Variants in XRN1 observed in about 807,000 individuals in gnomAD.
XRN1 encodes the protein strand-exchange protein 1 homolog.
XRN1 carries 67 observed loss-of-function variants against 222.3 expected under a neutral mutation model. The observed-to-expected ratio is 0.30, with a 90% CI of 0.25 to 0.37. The LOEUF (loss-of-function observed/expected upper bound fraction) is 0.37. XRN1 is among the 10% of genes least tolerant of loss of function. XRN1 has a pLI of 1.00. For synonymous variants in XRN1, 643 were observed against 652.4 expected (o/e 0.99, Z 0.22); for missense variants, 1,707 against 2,000.2 (o/e 0.85, Z 2.80).
rs375500552 is a variant in XRN1 at position 142,408,864 on chromosome 3, T to C, written c.1713+3680A>G. Among the ~76,000 whole-genome samples, 18 of 152,336 alleles carry C rather than the reference T, an allele frequency of 1.2e-4. No homozygotes were observed. In the East Asian group the frequency reaches 1.9e-3, roughly 16 times the overall value. On this transcript the variant is annotated intron_variant, in intron 15 of 40. Transcript: ENST00000392981. The stretch of plus-strand genomic sequence containing the variant: ...CCACATTCTTGCCAATATTGGGTAT[T>C]GCCTTTTAAGTTTTTTCCATTCAAC...
chr3:142,318,924 T>C (rs2065277162), intron 37 of XRN1, 21 bp from the exon 38 acceptor site: 1 of 1,585,768 alleles, frequency 6.3e-7, no homozygotes, highest in African/African-American at 1.3e-5. Flanking sequence ...AGAATATATA[T>C]GTCTATGAAA....
At chr3:142,365,642 T>C (rs2066790849) in intron 27 of XRN1, among the ~76,000 whole-genome samples, 1 of 152,160 alleles carries the variant, frequency 6.6e-6, no homozygotes, top group Non-Finnish European at 1.5e-5. Flanking sequence ...TATAGGCCAA[T>C]GAACTTTTAT....
At chr3:142,437,888 T>G (rs1363540565) in intron 1 of XRN1, among the ~76,000 whole-genome samples, 1 of 152,144 alleles carries the variant, frequency 6.6e-6, no homozygotes, top group African/African-American at 2.4e-5. Flanking sequence ...GCAAAAGATC[T>G]GAACAGACAT....
At chr3:142,325,055 T>C (rs908907949) in intron 37 of XRN1, among the ~76,000 whole-genome samples, 5 of 152,216 alleles carry the variant, frequency 3.3e-5, no homozygotes, top group Admixed American at 3.3e-4. Context: ...CATATACTGA[T>C]ATTTTTTCTT....
At chr3:142,384,714 C>A (rs1577337722) in intron 20 of XRN1, 29 bp from the exon 21 acceptor site, 1 of 1,493,636 alleles carries the variant, frequency 6.7e-7, no homozygotes, top group Non-Finnish European at 9.1e-7. Flanking sequence ...ATGAAATATA[C>A]ATATGAATGA....
chr3:142,341,669 C>G (rs533224965), intron 33 of XRN1, among the ~76,000 whole-genome samples: 66 of 152,024 alleles, frequency 4.3e-4, no homozygotes, highest in Admixed American at 4.2e-3. Context: ...GATCTGTTGC[C>G]TAACAGAAAC....
rs139998694 is a variant in XRN1, at chr3:142,337,157, A to T, written c.3878-1648T>A. 9.4e-3 allele frequency among the ~76,000 whole-genome samples: 1,428 copies of T among 152,284 alleles called. 14 individuals carry two copies. Among genetic ancestry groups the T allele is most frequent in the Admixed American group, 0.014 (214 of 15,292 alleles). ...TATTTCCTCTACTGGAAAGTTCTTC[A>T]GCCAGCTTTGCATAGTTCATGCCTT... On this transcript the variant is annotated intron_variant, in intron 33 of 40. Transcript: ENST00000392981.
chr3:142,318,112 C>T (rs1182513128), intron 39 of XRN1, among the ~76,000 whole-genome samples: 1 of 151,948 alleles, frequency 6.6e-6, no homozygotes, highest in Non-Finnish European at 1.5e-5. Flanking sequence ...AAGGGATTTT[C>T]TAAACTTAAA....
At position 142,447,472 on chromosome 3, in the gene XRN1, GC is replaced by G; in HGVS notation, c.75+397del. 6.6e-6 allele frequency among the ~76,000 whole-genome samples: 1 copy of G among 152,296 alleles called. No homozygotes were observed. The highest frequency in any genetic ancestry group is 1.9e-4 in the East Asian group (1 of 5,180). On this transcript the variant is annotated intron_variant, in intron 1 of 40. Transcript: ENST00000392981. The surrounding 1 kb of genome is among the most constrained non-coding windows in gnomAD (Gnocchi z 4.2). Reference sequence around the variant, plus strand: ...GTTATCGTCTGTAAGTGGGTCTGCCGCTCTGGGTGGGATGGGGGAACCTACG... The same window carrying G: ...GTTATCGTCTGTAAGTGGGTCTGCCGTCTGGGTGGGATGGGGGAACCTACG...
Position 142,308,504 on chromosome 3 carries a change from T to G in XRN1, c.*3007A>C, listed in dbSNP as rs1212658637. ...AAAAATCTTAAATTGAAACCAAGGT[T>G]CAGTAGAGGTGACTTTAATTTTTTT... On this transcript the variant is annotated 3_prime_UTR_variant, in exon 41 of 41. Transcript: ENST00000392981. 1 of 152,218 alleles carries G rather than the reference T, an allele frequency of 6.6e-6. No individual in the cohort carries two copies. Among genetic ancestry groups the G allele is most frequent in the African/African-American group, 2.4e-5 (1 of 41,460 alleles). 9.4% of individuals were successfully genotyped at this position (152,218 alleles called of 1,614,324 possible). A position where few individuals can be genotyped will look rare whatever the true frequency, so the allele number is the denominator to read the frequency against.
At chr3:142,361,415 T>C (rs2066626146) in intron 29 of XRN1, among the ~76,000 whole-genome samples, 1 of 152,224 alleles carries the variant, frequency 6.6e-6, no homozygotes, top group East Asian at 1.9e-4. Context: ...CACCTATGAA[T>C]GGGATGGCTG....
At chr3:142,328,223 G>C (rs1241474641) in intron 37 of XRN1, among the ~76,000 whole-genome samples, 4 of 152,128 alleles carry the variant, frequency 2.6e-5, no homozygotes, top group Non-Finnish European at 5.9e-5. Context: ...AAGACACACT[G>C]TTAGGTTGTT....
At chr3:142,319,004 T>A in intron 37 of XRN1, 101 bp from the exon 38 acceptor site, 3 of 1,009,136 alleles carry the variant, frequency 3.0e-6, no homozygotes, top group Non-Finnish European at 4.2e-6. Context: ...ATCAAGAATT[T>A]AAAAAAGGGC....
chr3:142,431,994 T>TTATATATAATATAATATAC (rs2069618019), intron 2 of XRN1, among the ~76,000 whole-genome samples: 1 of 95,776 alleles, frequency 1.0e-5, no homozygotes, highest in Non-Finnish European at 1.8e-5. Flanking sequence ...ATATAATATA[T>TTATATATAATATAATATAC]TGTATATATA....
Position 142,421,471 on chromosome 3 carries a change from C to T in XRN1, c.1035+5G>A. On this transcript the variant is annotated splice_donor_5th_base_variant and intron_variant, in intron 9 of 40. Transcript: ENST00000392981. ...ACAGGAAACCAAAAATTTCTAGTTA[C>T]TTACATCTGATAGTTTCACAAGGTA... 6.2e-7 allele frequency: 1 copy of T among 1,603,448 alleles called. No homozygotes were observed. The highest frequency in any genetic ancestry group is 8.5e-7 in the Non-Finnish European group (1 of 1,175,500).
At chr3:142,407,654 T>A (rs574998456) in intron 15 of XRN1, 1 of 152,348 alleles carries the variant, frequency 6.6e-6, no homozygotes, top group South Asian at 2.1e-4. Context: ...ATCATTACTA[T>A]TTTTTAGCAT....
At chr3:142,431,166 CTT>C (rs2069503938) in intron 2 of XRN1, among the ~76,000 whole-genome samples, 1 of 152,198 alleles carries the variant, frequency 6.6e-6, no homozygotes. Flanking sequence ...ACTATTGGAG[CTT>C]TTCTCTACTA....
At chr3:142,372,146 C>G (rs889679008) in intron 25 of XRN1, among the ~76,000 whole-genome samples, 1 of 152,056 alleles carries the variant, frequency 6.6e-6, no homozygotes, top group African/African-American at 2.4e-5. Context: ...GCCTACCACC[C>G]CAGCATATGA....
In XRN1 at chr3:142,309,534, C is replaced by CA. The variant is rs1199519888; in HGVS notation, c.*1976dup. ...GCCTGGCTGGAAAATAAAACTCTTT[C>CA]ACTGCCTATCTGTATAGAACTGTCA... On this transcript the variant is annotated 3_prime_UTR_variant, in exon 41 of 41. Coordinates refer to ENST00000392981, the MANE Select transcript of XRN1 (RefSeq NM_001282857.2). 3 of 152,242 alleles carry CA rather than the reference C, an allele frequency of 2.0e-5. No homozygotes were observed. Among genetic ancestry groups the CA allele is most frequent in the African/African-American group, 7.2e-5 (3 of 41,460 alleles). The allele number at this position is 152,242 out of a possible 1,614,324, so 9.4% of individuals were successfully genotyped here. A position where few individuals can be genotyped will look rare whatever the true frequency, so the allele number is the denominator to read the frequency against.
Sources: allele counts gnomAD v4.1 joint callset (sites outside exome capture counted in the v4.1 genomes callset), GRCh38; gene constraint gnomAD v4.1.1; non-coding constraint Gnocchi (gnomAD v3.1); transcripts MANE v1.5; gene names NCBI Gene and HGNC (gene_info 2026-07-23, HGNC 2026-07-21).